HBM: variants seen among roughly 807,000 people sequenced by gnomAD.
HBM encodes hemoglobin subunit mu.
In HBM, 9 loss-of-function variants were observed where a neutral mutation model predicts 12.8. The ratio of observed to expected loss-of-function variants is 0.70; its 90% CI spans 0.42 to 1.23. The LOEUF (loss-of-function observed/expected upper bound fraction) is 1.23. Ranked by LOEUF, HBM falls within the 50% of genes most tolerant of loss-of-function variation. HBM has a pLI of 0.00. For synonymous variants in HBM, 100 were observed against 92.0 expected (o/e 1.09, Z -0.50); for missense variants, 214 against 195.4 (o/e 1.10, Z -0.57).
At position 166,295 on chromosome 16, in the gene HBM, G is replaced by A. The variant is rs542837633; in HGVS notation, c.120G>A (p.Lys40=). The change falls in exon 2 of 3, where the codon AAG becomes AAA. Residue 40 remains lysine, a synonymous_variant. Transcript: ENST00000356815. Reference sequence around the variant, plus strand: ...TCTTCACGGTGTACCCCAGCACCAAGGTCTACTTCCCGCACCTGAGCGCCT... The same window carrying A: ...TCTTCACGGTGTACCCCAGCACCAAAGTCTACTTCCCGCACCTGAGCGCCT... The part of the protein sequence containing the change: ...LRLFTVYPST[K]VYFPHLSACQ... 6.9e-5 allele frequency: 110 copies of A among 1,595,908 alleles called. No homozygotes were observed. In the South Asian group the frequency reaches 9.0e-4, roughly 13 times the overall value.
rs1472578127 is a variant in HBM, at chr16:166,069, C to T, written c.72C>T (p.Phe24=). 5 of 1,603,084 alleles carry T rather than the reference C, an allele frequency of 3.1e-6. No individual in the cohort carries two copies. In the African/African-American group the frequency reaches 6.7e-5, roughly 21 times the overall value. The change falls in exon 1 of 3, where the codon TTC becomes TTT. Residue 24 remains phenylalanine, a synonymous_variant. Coordinates refer to ENST00000356815, the MANE Select transcript of HBM (RefSeq NM_001003938.4). ...TGATTGCGGGCCACGAGGCGCAATT[C>T]GGGGCGGAGCTGCTGCTCAGGTCGG... ...WDLIAGHEAQ[F]GAELLLRLFT...
chr16:166,138 T>C, intron 1 of HBM, 49 bp downstream of exon 1: 3 of 1,507,404 alleles, frequency 2.0e-6, no homozygotes, highest in Non-Finnish European at 2.7e-6. Flanking sequence ...GAGATGAGGG[T>C]TTTGGGCGCG....
At chr16:166,243 C>T in intron 1 of HBM, 25 bp from the exon 2 acceptor site, 1 of 1,574,692 alleles carries the variant, frequency 6.4e-7, no homozygotes, top group South Asian at 1.1e-5. Context: ...CGCCCTCCTC[C>T]CCGGTCACTG....
chr16:166,304 C>A lies in HBM; in HGVS notation c.129C>A (p.Phe43Leu), dbSNP rs1345660739. Reference sequence around the variant, plus strand: ...TGTACCCCAGCACCAAGGTCTACTTCCCGCACCTGAGCGCCTGCCAGGACG... The same window carrying A: ...TGTACCCCAGCACCAAGGTCTACTTACCGCACCTGAGCGCCTGCCAGGACG... ...FTVYPSTKVY[F>L]PHLSACQDAT... The change falls in exon 2 of 3, where the codon TTC becomes TTA. Residue 43 changes from phenylalanine to leucine, a missense_variant. By Grantham distance (22) the Phe-to-Leu change is conservative. Transcript: ENST00000356815. 1.9e-6 allele frequency: 3 copies of A among 1,595,678 alleles called. No individual in the cohort carries two copies. Among genetic ancestry groups the A allele is most frequent in the Non-Finnish European group, 2.5e-6 (3 of 1,178,822 alleles).
rs774748950 is a variant in HBM, at chr16:166,392, G to T, written c.217G>T (p.Val73Leu). 6.4e-7 allele frequency: 1 copy of T among 1,570,558 alleles called. No individual in the cohort carries two copies. The highest frequency in any genetic ancestry group is 1.8e-5 in the Admixed American group (1 of 55,704). Residue 73 changes from valine (V) to leucine (L), a missense_variant, in exon 2 of 3, where the codon GTG (valine) becomes TTG (leucine). Transcript: ENST00000356815. ...GGCTGTGGGCGCGGCGGTGCAGCAC[G>T]TGGACAACCTGCGCGCCGCGCTGAG... ...LAAVGAAVQH[V>L]DNLRAALSPL...
chr16:166,576 G>T lies in HBM; in HGVS notation c.298-4G>T. ...CCCCGTCTCACCGGCCCCTTCTCCT[G>T]CAGCTGCTAATCCAGTGTTTCCACG... On this transcript the variant is annotated splice_region_variant and splice_polypyrimidine_tract_variant and intron_variant, in intron 2 of 2. Coordinates refer to ENST00000356815, the MANE Select transcript of HBM (RefSeq NM_001003938.4). 6.2e-7 allele frequency: 1 copy of T among 1,612,746 alleles called. No homozygotes were observed. Among genetic ancestry groups the T allele is most frequent in the Non-Finnish European group, 8.5e-7 (1 of 1,179,538 alleles).
At position 166,666 on chromosome 16, in the gene HBM, C is replaced by A. The variant is rs1234035993; in HGVS notation, c.384C>A (p.Phe128Leu). The A allele has an allele frequency of 1.9e-6, 3 of 1,614,138 alleles. No individual in the cohort carries two copies. The highest frequency in any genetic ancestry group is 2.5e-6 in the Non-Finnish European group (3 of 1,180,008). ...AAATGCAAGCGGCGTGGGACAAGTT[C>A]CTGACTGGTGTGGCCGTGGTGCTGA... ...TVQMQAAWDK[F>L]LTGVAVVLTE... Residue 128 changes from phenylalanine (F) to leucine (L), a missense_variant, in exon 3 of 3, where the codon TTC (phenylalanine) becomes TTA (leucine). Transcript: ENST00000356815.
chr16:166,705 C>A lies in HBM; in HGVS notation c.423C>A (p.Arg141=), dbSNP rs914993769. ...GVAVVLTEKY[R] ...CCGTGGTGCTGACCGAAAAATACCG[C>A]TGAGCCCTGTGCTGCGCAGGCCTTG... The change falls in exon 3 of 3, where the codon CGC becomes CGA. Residue 141 remains arginine, a synonymous_variant. Transcript: ENST00000356815. 1 of 1,614,056 alleles carries A rather than the reference C, an allele frequency of 6.2e-7. No homozygotes were observed. Among genetic ancestry groups the A allele is most frequent in the Non-Finnish European group, 8.5e-7 (1 of 1,179,974 alleles).
Position 166,729 on chromosome 16 carries a change from T to G in HBM, c.*21T>G, listed in dbSNP as rs778560994. 11 of 1,613,102 alleles carry G rather than the reference T, an allele frequency of 6.8e-6. No individual in the cohort carries two copies. The Admixed American group carries it at 1.8e-4, about 27-fold the overall frequency. The stretch of plus-strand genomic sequence containing the variant: ...GCTGAGCCCTGTGCTGCGCAGGCCT[T>G]GGTCTGTGCCTGTCAATAAACAGAG... On this transcript the variant is annotated 3_prime_UTR_variant, in exon 3 of 3. Transcript: ENST00000356815.
rs373612748 is a variant in HBM, at chr16:166,361, G to T, written c.186G>T (p.Met62Ile). Residue 62 changes from methionine to isoleucine, a missense_variant, in exon 2 of 3, where the codon ATG (methionine) becomes ATT (isoleucine). Physicochemically the swap from Met to Ile is conservative, Grantham distance 10. Coordinates refer to ENST00000356815, the MANE Select transcript of HBM (RefSeq NM_001003938.4). ...AGCTGCTGAGCCACGGGCAGCGCAT[G>T]CTGGCGGCTGTGGGCGCGGCGGTGC... is the stretch of plus-strand genomic sequence containing the variant. Reference protein sequence around the residue: ...ATQLLSHGQRMLAAVGAAVQH... With the variant: ...ATQLLSHGQRILAAVGAAVQH... The T allele has an allele frequency of 1.6e-5, 25 of 1,588,924 alleles. No individual in the cohort carries two copies. The highest frequency in any genetic ancestry group is 2.1e-5 in the Non-Finnish European group (25 of 1,175,822).
Position 166,310 on chromosome 16 carries a change from C to T in HBM, c.135C>T (p.His45=), listed in dbSNP as rs1434470503. The change falls in exon 2 of 3, where the codon CAC becomes CAT. Residue 45 remains histidine (H), a synonymous_variant. Transcript: ENST00000356815. ...CCAGCACCAAGGTCTACTTCCCGCA[C>T]CTGAGCGCCTGCCAGGACGCGACGC... The part of the protein sequence containing the change: ...VYPSTKVYFP[H]LSACQDATQL... The T allele has an allele frequency of 6.3e-7, 1 of 1,595,562 alleles. No homozygotes were observed. The highest frequency in any genetic ancestry group is 1.3e-5 in the African/African-American group (1 of 74,910).
Position 166,353 on chromosome 16 carries a change from C to T in HBM, c.178C>T (p.Gln60Ter), listed in dbSNP as rs1448585549. ...CGCGACGCAGCTGCTGAGCCACGGG[C>T]AGCGCATGCTGGCGGCTGTGGGCGC... ...QDATQLLSHGQRMLAAVGAAV... is the reference protein window; with the variant it reads ...QDATQLLSHG Residue 60 changes from glutamine to a stop codon, truncating the protein, a stop_gained, in exon 2 of 3, where the codon CAG becomes TAG. Coordinates refer to ENST00000356815, the MANE Select transcript of HBM (RefSeq NM_001003938.4). LOFTEE classifies it high-confidence loss of function. The T allele has an allele frequency of 1.3e-6, 2 of 1,592,038 alleles. No individual in the cohort carries two copies. The highest frequency in any genetic ancestry group is 1.3e-5 in the African/African-American group (1 of 74,668).
Position 166,203 on chromosome 16 carries a change from G to T in HBM, c.93-65G>T, listed in dbSNP as rs935108982. On this transcript the variant is annotated intron_variant, in intron 1 of 2. Transcript: ENST00000356815. Reference sequence around the variant, plus strand: ...GGGTGCGGATCCCCGGGCTCTGGGCGGTGTGGGCGCTAGTGAAGCCCCACG... The same window carrying T: ...GGGTGCGGATCCCCGGGCTCTGGGCTGTGTGGGCGCTAGTGAAGCCCCACG... 1.0e-5 allele frequency: 15 copies of T among 1,485,018 alleles called. No individual in the cohort carries two copies. The East Asian group carries it at 3.4e-4, about 33-fold the overall frequency. 92.0% of individuals were successfully genotyped at this position (1,485,018 alleles called of 1,614,324 possible).
chr16:166,076 G>A lies in HBM; in HGVS notation c.79G>A (p.Glu27Lys), dbSNP rs150873041. 884 of 1,603,486 alleles carry A rather than the reference G, an allele frequency of 5.5e-4. No individual in the cohort carries two copies. Among genetic ancestry groups the A allele is most frequent in the Non-Finnish European group, 7.3e-4 (855 of 1,175,730 alleles). ...IAGHEAQFGA[E>K]LLLRLFTVYP... ...GGGCCACGAGGCGCAATTCGGGGCGGAGCTGCTGCTCAGGTCGGTAGAGGC... is the reference window on the plus strand; with the variant it reads ...GGGCCACGAGGCGCAATTCGGGGCGAAGCTGCTGCTCAGGTCGGTAGAGGC... The change falls in exon 1 of 3, where the codon GAG becomes AAG. Residue 27 changes from glutamate to lysine, a missense_variant. Glu to Lys is a moderately conservative substitution (Grantham distance 56). Transcript: ENST00000356815.
chr16:166,240 C>T (rs1415173223), intron 1 of HBM, 28 bp from the exon 2 acceptor site: 2 of 1,568,656 alleles, frequency 1.3e-6, no homozygotes, highest in African/African-American at 2.7e-5. Flanking sequence ...AGCCGCCCTC[C>T]TCCCCGGTCA....
Position 166,593 on chromosome 16 carries a change from G to A in HBM, c.311G>A (p.Cys104Tyr). Residue 104 changes from cysteine (C) to tyrosine (Y), a missense_variant, in exon 3 of 3, where the codon TGT becomes TAT. Physicochemically the swap from Cys to Tyr is radical, Grantham distance 194 (BLOSUM62 -2). Coordinates refer to ENST00000356815, the MANE Select transcript of HBM (RefSeq NM_001003938.4). Reference sequence around the variant, plus strand: ...CTTCTCCTGCAGCTGCTAATCCAGTGTTTCCACGTCGTGCTGGCCTCCCAC... The same window carrying A: ...CTTCTCCTGCAGCTGCTAATCCAGTATTTCCACGTCGTGCTGGCCTCCCAC... ...DPANFPLLIQ[C>Y]FHVVLASHLQ... The A allele has an allele frequency of 6.2e-7, 1 of 1,613,748 alleles. No individual in the cohort carries two copies. The highest frequency in any genetic ancestry group is 8.5e-7 in the Non-Finnish European group (1 of 1,179,872).
Position 166,562 on chromosome 16 carries a change from CG to C in HBM, c.298-16del. ...CCTAGCGGGGCAGACCCCGTCTCAC[CG>C]GCCCCTTCTCCTGCAGCTGCTAATC... is the stretch of plus-strand genomic sequence containing the variant. On this transcript the variant is annotated splice_polypyrimidine_tract_variant and intron_variant, in intron 2 of 2. Transcript: ENST00000356815. The C allele has an allele frequency of 6.2e-7, 1 of 1,610,464 alleles. No homozygotes were observed.
rs1258903100 is a variant in HBM, at chr16:166,449, CG to C, written c.275del (p.Arg92ProfsTer10). Reference sequence around the variant, plus strand: ...GGCGGACCTGCACGCGCTCGTGCTGCGCGTGGACCCAGCCAACTTTCCGGTG... The same window carrying C: ...GGCGGACCTGCACGCGCTCGTGCTGCCGTGGACCCAGCCAACTTTCCGGTG... The part of the protein sequence containing the change: ...PLADLHALVL[R>X]VDPANFPLLI... On this transcript the variant is annotated frameshift_variant, in exon 2 of 3. Coordinates refer to ENST00000356815, the MANE Select transcript of HBM (RefSeq NM_001003938.4). LOFTEE classifies it high-confidence loss of function. 1 of 1,548,340 alleles carries C rather than the reference CG, an allele frequency of 6.5e-7. No homozygotes were observed. The highest frequency in any genetic ancestry group is 1.9e-5 in the Admixed American group (1 of 51,752).
intron 2 of HBM, 54 bp downstream of exon 2, chr16:166,526 C>G: frequency 6.3e-7 from 1 of 1,587,276 alleles, no homozygotes; most frequent in East Asian, 2.3e-5. Flanking sequence ...GGTGGGGGGG[C>G]TCTGGGGGTC....
Sources: gnomAD v4.1 joint callset for allele counts on GRCh38, gnomAD v4.1.1 for gene constraint, MANE v1.5 for transcripts, NCBI Gene and HGNC (gene_info 2026-07-23, HGNC 2026-07-21) for gene names.